Variants in SYNJ1 observed in about 807,000 individuals in gnomAD.
SYNJ1 encodes polyphosphatidylinositol phosphatase SYNJ1.
Under a neutral mutation model 168.2 loss-of-function variants are expected in SYNJ1, and 78 were observed. The observed-to-expected ratio is 0.46, with a 90% CI of 0.39 to 0.56. SYNJ1 has a LOEUF of 0.56. Among genes scored for constraint, SYNJ1 ranks in the 20% least tolerant of loss-of-function variants. The pLI is 0.00. For synonymous variants in SYNJ1, 539 were observed against 548.6 expected (o/e 0.98, Z 0.24); for missense variants, 1,303 against 1,597.6 (o/e 0.82, Z 3.14).
intron 24 of SYNJ1, 119 bp downstream of exon 24, chr21:32,646,274 T>C (rs1305318244): frequency 1.0e-6 from 1 of 985,350 alleles, no homozygotes; most frequent in Non-Finnish European, 1.5e-6. Flanking sequence ...TTTCCTATTC[T>C]GTACCGGAGA....
At chr21:32,703,288 A>G (rs547539416) in intron 2 of SYNJ1, among the ~76,000 whole-genome samples, 26 of 152,208 alleles carry the variant, frequency 1.7e-4, no homozygotes, top group Middle Eastern at 3.2e-3. Context: ...GGGAGTGGAG[A>G]TTCGCCAACC....
intron 15 of SYNJ1, among the ~76,000 whole-genome samples, chr21:32,668,845 TA>T (rs2041064151): frequency 6.6e-6 from 1 of 152,240 alleles, no homozygotes; most frequent in African/African-American, 2.4e-5. Context: ...TTCATCATAC[TA>T]TTAAGACATC....
At chr21:32,645,160 C>T (rs1292811641) in intron 25 of SYNJ1, among the ~76,000 whole-genome samples, 154 bp from the exon 26 acceptor site, 1 of 152,114 alleles carries the variant, frequency 6.6e-6, no homozygotes. Flanking sequence ...AATGCATATG[C>T]TTATAATTGA....
intron 10 of SYNJ1, among the ~76,000 whole-genome samples, chr21:32,682,424 T>A (rs2041660755): frequency 6.6e-6 from 1 of 152,152 alleles, no homozygotes; most frequent in Non-Finnish European, 1.5e-5. Flanking sequence ...TTTTATTTTA[T>A]CATGTAAGTA....
intron 14 of SYNJ1, among the ~76,000 whole-genome samples, chr21:32,672,403 G>C (rs1452880258): frequency 1.3e-5 from 2 of 151,406 alleles, no homozygotes; most frequent in East Asian, 3.9e-4. Flanking sequence ...GCAGTGGTGG[G>C]ATCTCCGCTC....
chr21:32,661,245 C>G (rs924866834), intron 18 of SYNJ1, among the ~76,000 whole-genome samples: 1 of 152,146 alleles, frequency 6.6e-6, no homozygotes, highest in Non-Finnish European at 1.5e-5. Context: ...ACTTGCCAGC[C>G]CTTGCCAAAG....
intron 2 of SYNJ1, among the ~76,000 whole-genome samples, chr21:32,725,053 G>A (rs1397264621): frequency 6.6e-6 from 1 of 152,182 alleles, no homozygotes; most frequent in African/African-American, 2.4e-5. Flanking sequence ...GCTGCTGGAG[G>A]TTTTGGAAAT....
rs111337473 is a variant in SYNJ1, at chr21:32,702,471, T to C, written c.125-424A>G. Among the ~76,000 whole-genome samples, 349 of 152,342 alleles carry C rather than the reference T, an allele frequency of 2.3e-3. 1 individual carries two copies. Among genetic ancestry groups the C allele is most frequent in the African/African-American group, 7.7e-3 (319 of 41,574 alleles). ...CTGCTATAAAGTTAACGTTACCTTG[T>C]TAATGAATATAAACCACAGAATAAT... is the stretch of plus-strand genomic sequence containing the variant. On this transcript the variant is annotated intron_variant, in intron 2 of 32. Coordinates refer to ENST00000674351, the MANE Select transcript of SYNJ1 (RefSeq NM_203446.3).
chr21:32,723,555 C>T (rs905043316), intron 2 of SYNJ1, among the ~76,000 whole-genome samples: 4 of 152,158 alleles, frequency 2.6e-5, no homozygotes, highest in East Asian at 3.9e-4. Flanking sequence ...CAGTGGCTCA[C>T]GCCTGTAATC....
At position 32,642,122 on chromosome 21, in the gene SYNJ1, G is replaced by A. The variant is rs773329386; in HGVS notation, c.3490C>T (p.Pro1164Ser). Reference protein sequence around the residue: ...ARREMEAPKSPGTTRKDNIGR... With the variant: ...ARREMEAPKSSGTTRKDNIGR... ...ATATTATCTTTCCTTGTTGTTCCAG[G>A]GCTTTTGGGTGCTTTGAAGCAAGAA... Residue 1164 changes from proline to serine, a missense_variant, in exon 28 of 33, where the codon CCT becomes TCT. Transcript: ENST00000674351. 6 of 1,613,972 alleles carry A rather than the reference G, an allele frequency of 3.7e-6. No homozygotes were observed. Among genetic ancestry groups the A allele is most frequent in the Non-Finnish European group, 5.1e-6 (6 of 1,180,000 alleles).
Position 32,670,303 on chromosome 21 carries a change from T to C in SYNJ1, c.1796A>G (p.Asn599Ser). ...FEEMVELNAG[N>S]IVSASTTNQK... The stretch of plus-strand genomic sequence containing the variant: ...GCTAGCTTACCTTGCACTCACAATG[T>C]TTCCAGCATTCAATTCTACCATTTC... Residue 599 changes from asparagine to serine, a missense_variant, in exon 15 of 33, where the codon AAC becomes AGC. Coordinates refer to ENST00000674351, the MANE Select transcript of SYNJ1 (RefSeq NM_203446.3). 2 of 1,613,520 alleles carry C rather than the reference T, an allele frequency of 1.2e-6. No homozygotes were observed. The highest frequency in any genetic ancestry group is 8.5e-7 in the Non-Finnish European group (1 of 1,179,796).
chr21:32,718,741 A>G (rs116417516), intron 2 of SYNJ1, among the ~76,000 whole-genome samples: 1,639 of 152,148 alleles, frequency 0.011, 34 homozygotes, highest in African/African-American at 0.038. Flanking sequence ...CCTGACATTT[A>G]ACTTGGCCCA....
intron 23 of SYNJ1, among the ~76,000 whole-genome samples, chr21:32,647,732 T>C (rs1032545847): frequency 6.6e-6 from 1 of 152,194 alleles, no homozygotes; most frequent in African/African-American, 2.4e-5. Context: ...CTGCACTGAT[T>C]CCCCTGTTTA....
intron 2 of SYNJ1, among the ~76,000 whole-genome samples, chr21:32,724,214 G>A (rs1376855319): frequency 3.9e-5 from 6 of 152,136 alleles, no homozygotes; most frequent in African/African-American, 7.2e-5. Context: ...AGGGCTGGGC[G>A]CGGTGGCTCA....
intron 18 of SYNJ1, 56 bp downstream of exon 18, chr21:32,664,857 G>C (rs2040861045): frequency 6.9e-7 from 1 of 1,451,822 alleles, no homozygotes. Flanking sequence ...GATTTAAAAA[G>C]GCATGTTTCA....
chr21:32,645,973 G>T, intron 24 of SYNJ1, 184 bp from the exon 25 acceptor site: 2 of 930,510 alleles, frequency 2.1e-6, no homozygotes, highest in Non-Finnish European at 3.5e-6. Flanking sequence ...TACCATGGCA[G>T]CAATAATGCT....
chr21:32,703,498 T>C (rs1435586975), intron 2 of SYNJ1, among the ~76,000 whole-genome samples: 2 of 152,188 alleles, frequency 1.3e-5, no homozygotes, highest in African/African-American at 4.8e-5. Context: ...AAGAGTACCA[T>C]ATGTACTGTA....
At chr21:32,719,234 C>T (rs2043130156) in intron 2 of SYNJ1, among the ~76,000 whole-genome samples, 1 of 152,244 alleles carries the variant, frequency 6.6e-6, no homozygotes, top group African/African-American at 2.4e-5. Flanking sequence ...TCAACACATG[C>T]TGGAAACCAG....
At position 32,727,999 on chromosome 21, in the gene SYNJ1, G is replaced by T; in HGVS notation, c.-76C>A. The T allele has an allele frequency of 2.0e-6, 3 of 1,536,152 alleles. No homozygotes were observed. Among genetic ancestry groups the T allele is most frequent in the Admixed American group, 2.0e-5 (1 of 50,954 alleles). On this transcript the variant is annotated 5_prime_UTR_variant, in exon 1 of 33. Coordinates refer to ENST00000674351, the MANE Select transcript of SYNJ1 (RefSeq NM_203446.3). ...TCCCGCAGCCGCCGCCACAGCCGCC[G>T]GGAGCGTCACTTCCGCTCCAGCAGG... is the stretch of plus-strand genomic sequence containing the variant.
Sources: gnomAD v4.1 joint callset for allele counts (sites outside exome capture counted in the v4.1 genomes callset) on GRCh38, gnomAD v4.1.1 for gene constraint, MANE v1.5 for transcripts, NCBI Gene and HGNC (gene_info 2026-07-23, HGNC 2026-07-21) for gene names.